The following NCKAP5 variants were observed in gnomAD, a reference collection of about 807,000 sequenced individuals.
NCKAP5 encodes nck-associated protein 5.
NCKAP5 carries 92 observed loss-of-function variants against 167.0 expected under a neutral mutation model. The observed-to-expected ratio is 0.55, with a 90% confidence interval of 0.47 to 0.66. NCKAP5 has a LOEUF of 0.66. Ranked by LOEUF, NCKAP5 falls within the 30% of genes least tolerant of loss-of-function variation. The pLI is 0.00. For missense variants in NCKAP5, 2,378 were observed against 2,315.0 expected (o/e 1.03, Z -0.56); for synonymous variants, 891 against 877.4 (o/e 1.02, Z -0.27).
At chr2:133,180,369 G>T (rs2084677632) in intron 5 of NCKAP5, among the ~76,000 whole-genome samples, 1 of 151,702 alleles carries the variant, frequency 6.6e-6, no homozygotes, top group African/African-American at 2.4e-5. Flanking sequence ...GGGTCTCACT[G>T]TGTTGTTCAG....
At chr2:133,329,316 G>C (rs1263127984) in intron 3 of NCKAP5, among the ~76,000 whole-genome samples, 1 of 152,084 alleles carries the variant, frequency 6.6e-6, no homozygotes, top group Non-Finnish European at 1.5e-5. Flanking sequence ...CAAGGGAGGA[G>C]GGGCTGGGGA....
At chr2:133,085,903 A>G (rs943147456) in intron 6 of NCKAP5, among the ~76,000 whole-genome samples, 4 of 152,320 alleles carry the variant, frequency 2.6e-5, no homozygotes, top group Middle Eastern at 3.4e-3. Flanking sequence ...CCAAGAGTCC[A>G]TTACATTGGT....
chr2:133,606,123 G>C, the NCKAP5 span, among the ~76,000 whole-genome samples: 1 of 134,238 alleles, frequency 7.4e-6, no homozygotes, highest in Non-Finnish European at 1.6e-5. Context: ...ACCAGAATCA[G>C]ATTCTAATAG....
intron 5 of NCKAP5, among the ~76,000 whole-genome samples, chr2:133,194,275 T>C (rs1438217524): frequency 1.3e-5 from 2 of 152,010 alleles, no homozygotes; most frequent in Admixed American, 6.6e-5. Flanking sequence ...TTACACATCA[T>C]GAAGCAATAG....
At chr2:132,739,707 CT>C (rs369409781) in intron 16 of NCKAP5, among the ~76,000 whole-genome samples, 45 of 152,240 alleles carry the variant, frequency 3.0e-4, no homozygotes, top group African/African-American at 9.4e-4. Context: ...AACAACTACC[CT>C]GCTTATTTCC....
chr2:133,605,268 A>G, the NCKAP5 span, among the ~76,000 whole-genome samples: 1 of 152,122 alleles, frequency 6.6e-6, no homozygotes, highest in African/African-American at 2.4e-5. Flanking sequence ...GTCCCTGTGA[A>G]TTTGAGTTTA....
At chr2:133,277,292 T>C (rs1465141941) in intron 4 of NCKAP5, among the ~76,000 whole-genome samples, 2 of 152,166 alleles carry the variant, frequency 1.3e-5, no homozygotes, top group African/African-American at 4.8e-5. Flanking sequence ...AAAATTATGA[T>C]AAAAAATTAA....
At chr2:133,318,870 A>G (rs1681811068) in intron 3 of NCKAP5, among the ~76,000 whole-genome samples, 1 of 152,138 alleles carries the variant, frequency 6.6e-6, no homozygotes, top group African/African-American at 2.4e-5. Flanking sequence ...CACCCACTTC[A>G]CAAAGACACA....
At position 133,448,273 on chromosome 2, in the gene NCKAP5, G is replaced by A. The variant is rs1226876362; in HGVS notation, c.69+69185C>T. Among the ~76,000 whole-genome samples the A allele has an allele frequency of 7.3e-5, 11 of 151,096 alleles. No individual in the cohort carries two copies. The South Asian group carries it at 1.9e-3, about 26-fold the overall frequency. On this transcript the variant is annotated intron_variant, in intron 3 of 19. Coordinates refer to ENST00000409261, the MANE Select transcript of NCKAP5 (RefSeq NM_207363.3). ...GGGAAAAAAAAAAAAAGAGGGAGGC[G>A]GGTTGGTGGCCACAATTTAAAAGCT...
At chr2:132,855,505 G>A (rs1243990809) in intron 11 of NCKAP5, among the ~76,000 whole-genome samples, 1 of 152,168 alleles carries the variant, frequency 6.6e-6, no homozygotes, top group Admixed American at 6.5e-5. Flanking sequence ...ACAGCCAAGG[G>A]GCAGAGTTCA....
chr2:133,283,656 G>C (rs2090006405), intron 4 of NCKAP5, among the ~76,000 whole-genome samples: 2 of 151,394 alleles, frequency 1.3e-5, no homozygotes, highest in South Asian at 4.2e-4. Flanking sequence ...TGTTGCCAAG[G>C]CTGGAGTGCA....
At chr2:132,819,102 A>T (rs1686510348) in intron 11 of NCKAP5, among the ~76,000 whole-genome samples, 1 of 152,104 alleles carries the variant, frequency 6.6e-6, no homozygotes, top group Non-Finnish European at 1.5e-5. Flanking sequence ...CTGAAAAAAA[A>T]ATGGTCTATG....
chr2:133,214,192 T>C (rs1012761666), intron 4 of NCKAP5, among the ~76,000 whole-genome samples: 10 of 152,222 alleles, frequency 6.6e-5, no homozygotes, highest in African/African-American at 2.4e-4. Flanking sequence ...TATAACTCCT[T>C]ACTACTTTTA....
chr2:133,220,405 T>C (rs2086611409), intron 4 of NCKAP5, among the ~76,000 whole-genome samples: 1 of 152,194 alleles, frequency 6.6e-6, no homozygotes, highest in South Asian at 2.1e-4. Context: ...AAGACAACTT[T>C]TCTCTCCAGG....
chr2:133,245,932 C>T (rs2087965463), intron 4 of NCKAP5, among the ~76,000 whole-genome samples: 2 of 148,754 alleles, frequency 1.3e-5, no homozygotes, highest in Admixed American at 1.3e-4. Context: ...TGGGGAGAGT[C>T]ATAGCAGACA....
At chr2:133,398,658 G>A (rs934686301) in intron 3 of NCKAP5, among the ~76,000 whole-genome samples, 3 of 152,078 alleles carry the variant, frequency 2.0e-5, no homozygotes, top group Admixed American at 6.5e-5. Flanking sequence ...ATAAAAAATA[G>A]CAAACAATAA....
rs188252495 is a variant in NCKAP5 at position 132,709,959 on chromosome 2, A to G, written c.5713+15668T>C. ...AAAAATAAAATTTGTTAATAAATCA[A>G]TATAGATACAGAAATCTTAAATATG... On this transcript the variant is annotated intron_variant, in intron 19 of 19. Coordinates refer to ENST00000409261, the MANE Select transcript of NCKAP5 (RefSeq NM_207363.3). Among the ~76,000 whole-genome samples, 11 of 152,302 alleles carry G rather than the reference A, an allele frequency of 7.2e-5. No individual in the cohort carries two copies. The East Asian group carries it at 1.5e-3, about 21-fold the overall frequency.
At chr2:133,248,800 T>C (rs992963743) in intron 4 of NCKAP5, among the ~76,000 whole-genome samples, 1 of 152,168 alleles carries the variant, frequency 6.6e-6, no homozygotes, top group Non-Finnish European at 1.5e-5. Context: ...CTCCGGTTCG[T>C]TCCCCAACCA....
At chr2:133,156,749 C>A (rs1244238531) in intron 5 of NCKAP5, among the ~76,000 whole-genome samples, 3 of 152,156 alleles carry the variant, frequency 2.0e-5, no homozygotes, top group African/African-American at 7.2e-5. Flanking sequence ...TGCTTCCTTG[C>A]CTCCAATCTC....
Sources: gnomAD v4.1 joint callset for allele counts (sites outside exome capture counted in the v4.1 genomes callset) on GRCh38, gnomAD v4.1.1 for gene constraint, MANE v1.5 for transcripts, NCBI Gene and HGNC (gene_info 2026-07-23, HGNC 2026-07-21) for gene names.